The following TMEM186 variants were observed in gnomAD, a reference collection of about 807,000 sequenced individuals.
TMEM186 encodes the protein transmembrane protein 186.
TMEM186 carries 2 observed loss-of-function variants against 2.5 expected under a neutral mutation model. That is an observed-to-expected ratio of 0.79 (90% CI 0.32 to 2.50). The LOEUF is 2.50. TMEM186 is among the 30% of genes most tolerant of loss of function. TMEM186 has a pLI of 0.11. For missense variants in TMEM186, 321 were observed against 276.5 expected (o/e 1.16, Z -1.14); for synonymous variants, 120 against 104.9 (o/e 1.14, Z -0.88).
rs560171669 is a variant in TMEM186 at position 8,797,519 on chromosome 16, G to A, written c.3+93C>T. On this transcript the variant is annotated intron_variant, in intron 1 of 1. Transcript: ENST00000333050. ...GAGCTTCCTCCCACGGATCCTCGGAGTCCGAAACCCGAGCGTCGGGCCTGC... is the reference window on the plus strand; with the variant it reads ...GAGCTTCCTCCCACGGATCCTCGGAATCCGAAACCCGAGCGTCGGGCCTGC... 1.4e-4 allele frequency: 200 copies of A among 1,474,878 alleles called. No homozygotes were observed. The Admixed American group carries it at 1.5e-3, about 11-fold the overall frequency. The allele number at this position is 1,474,878 out of a possible 1,614,324, so 91.4% of individuals were successfully genotyped here.
At chr16:8,796,735 GA>G (rs1273564472) in intron 1 of TMEM186, 145 bp from the exon 2 acceptor site, 1 of 968,250 alleles carries the variant, frequency 1.0e-6, no homozygotes, top group Non-Finnish European at 1.5e-6. Flanking sequence ...GGTAAAGCCA[GA>G]TGCTATCTCA....
rs760440586 is a variant in TMEM186, at chr16:8,796,541, T to G, written c.53A>C (p.Glu18Ala). 1 of 1,614,160 alleles carries G rather than the reference T, an allele frequency of 6.2e-7. No individual in the cohort carries two copies. The highest frequency in any genetic ancestry group is 8.5e-7 in the Non-Finnish European group (1 of 1,180,044). Reference sequence around the variant, plus strand: ...GCACCACAGCCCATGGAGAGGCCTTTCCCACACAGCTTTTCCCCGAAACCT... The same window carrying G: ...GCACCACAGCCCATGGAGAGGCCTTGCCCACACAGCTTTTCCCCGAAACCT... The part of the protein sequence containing the change: ...VRRFRGKAVW[E>A]RPLHGLWCCS... Residue 18 changes from glutamate (E) to alanine (A), a missense_variant, in exon 2 of 2, where the codon GAA becomes GCA. Physicochemically the swap from Glu to Ala is moderately radical, Grantham distance 107. Coordinates refer to ENST00000333050, the MANE Select transcript of TMEM186 (RefSeq NM_015421.4).
At position 8,796,034 on chromosome 16, in the gene TMEM186, A is replaced by G. The variant is rs1157682203; in HGVS notation, c.560T>C (p.Phe187Ser). 1.2e-6 allele frequency: 2 copies of G among 1,614,198 alleles called. No individual in the cohort carries two copies. The highest frequency in any genetic ancestry group is 3.3e-5 in the Admixed American group (2 of 60,022). Residue 187 changes from phenylalanine to serine, a missense_variant, in exon 2 of 2, where the codon TTC becomes TCC. Transcript: ENST00000333050. ...RIQRYSGKQT[F>S]YVTLRYGRIL... ...GCGTCCATAGCGCAGGGTGACGTAG[A>G]AGGTCTGTTTCCCACTGTACCGCTG...
At chr16:8,797,345 C>G (rs7197153) in intron 1 of TMEM186, among the ~76,000 whole-genome samples, 126,112 of 152,136 alleles carry the variant, frequency 0.83, 52,852 homozygotes, top group East Asian at 0.98. Context: ...GGACTCAGAA[C>G]ACAGTGAACC....
Position 8,796,175 on chromosome 16 carries a change from A to G in TMEM186, c.419T>C (p.Leu140Pro). ...CCAGAAGTTCAGATGGGCCACCCGC[A>G]GCATGGTGCCAGACTCATTCAGATA... is the stretch of plus-strand genomic sequence containing the variant. ...ILYLNESGTM[L>P]RVAHLNFWGW... The change falls in exon 2 of 2, where the codon CTG becomes CCG. Residue 140 changes from leucine to proline, a missense_variant. Physicochemically the swap from Leu to Pro is moderately conservative, Grantham distance 98 (BLOSUM62 -3). Coordinates refer to ENST00000333050, the MANE Select transcript of TMEM186 (RefSeq NM_015421.4). 6.2e-7 allele frequency: 1 copy of G among 1,614,226 alleles called. No individual in the cohort carries two copies. Among genetic ancestry groups the G allele is most frequent in the Non-Finnish European group, 8.5e-7 (1 of 1,180,038 alleles).
Position 8,795,768 on chromosome 16 carries a change from CT to C in TMEM186, c.*183del. 2.8e-6 allele frequency: 2 copies of C among 714,764 alleles called. No individual in the cohort carries two copies. The highest frequency in any genetic ancestry group is 2.1e-5 in the South Asian group (1 of 46,936). 44.3% of individuals were successfully genotyped at this position (714,764 alleles called of 1,614,324 possible). On this transcript the variant is annotated 3_prime_UTR_variant, in exon 2 of 2. Transcript: ENST00000333050. The stretch of plus-strand genomic sequence containing the variant: ...AGTGCTGTAAGAACTTGCTTAGAGC[CT>C]TTTTCCTAAACCTGTACACCAGCTC...
In TMEM186 at chr16:8,797,592, C is replaced by A. The variant is rs145394389; in HGVS notation, c.3+20G>T. 7.4e-3 allele frequency: 11,878 copies of A among 1,602,106 alleles called. 62 individuals carry two copies. The highest frequency in any genetic ancestry group is 9.1e-3 in the Non-Finnish European group (10,636 of 1,174,948). On this transcript the variant is annotated intron_variant, in intron 1 of 1. Coordinates refer to ENST00000333050, the MANE Select transcript of TMEM186 (RefSeq NM_015421.4). Reference sequence around the variant, plus strand: ...CCCAAAGAGCATCACCCCCTCAAGGCTCGCCACCCGCCTCCTTACCATGGC... The same window carrying A: ...CCCAAAGAGCATCACCCCCTCAAGGATCGCCACCCGCCTCCTTACCATGGC...
rs2060570596 is a variant in TMEM186, at chr16:8,795,625, C to T, written c.*327G>A. On this transcript the variant is annotated 3_prime_UTR_variant, in exon 2 of 2. Coordinates refer to ENST00000333050, the MANE Select transcript of TMEM186 (RefSeq NM_015421.4). ...CCAAATCTTACGCTCCCCCGCCACACCTCTTTGCCTTTCTCTTTCACACCA... is the reference window on the plus strand; with the variant it reads ...CCAAATCTTACGCTCCCCCGCCACATCTCTTTGCCTTTCTCTTTCACACCA... 8.3e-6 allele frequency: 2 copies of T among 240,400 alleles called. No homozygotes were observed. 14.9% of individuals were successfully genotyped at this position (240,400 alleles called of 1,614,324 possible).
chr16:8,797,628 G>A lies in TMEM186; in HGVS notation c.-14C>T, dbSNP rs200174115. On this transcript the variant is annotated 5_prime_UTR_variant, in exon 1 of 2. Transcript: ENST00000333050. ...CCTCCTTACCATGGCCCCACCACCT[G>A]CTGCCGGAAGTAAATCCCACCGGCC... 1.2e-6 allele frequency: 2 copies of A among 1,602,478 alleles called. No individual in the cohort carries two copies. The highest frequency in any genetic ancestry group is 1.3e-5 in the African/African-American group (1 of 74,542).
Position 8,795,768 on chromosome 16 carries a change from C to T in TMEM186, c.*184G>A. On this transcript the variant is annotated 3_prime_UTR_variant, in exon 2 of 2. Coordinates refer to ENST00000333050, the MANE Select transcript of TMEM186 (RefSeq NM_015421.4). ...AGTGCTGTAAGAACTTGCTTAGAGC[C>T]TTTTTCCTAAACCTGTACACCAGCT... The T allele has an allele frequency of 1.4e-6, 1 of 714,786 alleles. No individual in the cohort carries two copies. 44.3% of individuals were successfully genotyped at this position (714,786 alleles called of 1,614,324 possible). A position where few individuals can be genotyped will look rare whatever the true frequency, so the allele number is the denominator to read the frequency against.
chr16:8,796,011 G>T lies in TMEM186; in HGVS notation c.583C>A (p.Arg195Ser). 1 of 1,614,166 alleles carries T rather than the reference G, an allele frequency of 6.2e-7. No individual in the cohort carries two copies. The highest frequency in any genetic ancestry group is 8.5e-7 in the Non-Finnish European group (1 of 1,180,040). ...QTFYVTLRYG[R>S]ILDRERFTQV... ...GTGAAACGCTCTCTGTCCAGGATGC[G>T]TCCATAGCGCAGGGTGACGTAGAAG... Residue 195 changes from arginine (R) to serine (S), a missense_variant, in exon 2 of 2, where the codon CGC becomes AGC. Coordinates refer to ENST00000333050, the MANE Select transcript of TMEM186 (RefSeq NM_015421.4).
At position 8,797,599 on chromosome 16, in the gene TMEM186, C is replaced by T; in HGVS notation, c.3+13G>A. 6.2e-7 allele frequency: 1 copy of T among 1,604,082 alleles called. No individual in the cohort carries two copies. The highest frequency in any genetic ancestry group is 8.5e-7 in the Non-Finnish European group (1 of 1,175,846). On this transcript the variant is annotated intron_variant, in intron 1 of 1. Coordinates refer to ENST00000333050, the MANE Select transcript of TMEM186 (RefSeq NM_015421.4). ...AGCATCACCCCCTCAAGGCTCGCCA[C>T]CCGCCTCCTTACCATGGCCCCACCA... is the stretch of plus-strand genomic sequence containing the variant.
chr16:8,795,829 T>C lies in TMEM186; in HGVS notation c.*123A>G, dbSNP rs14198. The C allele has an allele frequency of 1.1e-3, 1,297 of 1,182,072 alleles. 21 individuals carry two copies. The African/African-American group carries it at 0.018, about 16-fold the overall frequency. The allele number at this position is 1,182,072 out of a possible 1,614,324, so 73.2% of individuals were successfully genotyped here. A position where few individuals can be genotyped will look rare whatever the true frequency, so the allele number is the denominator to read the frequency against. ...GAATTTATTCACCACAAAACACATG[T>C]TCCCAGGGGCCCAGGCAAAGTCTCC... On this transcript the variant is annotated 3_prime_UTR_variant, in exon 2 of 2. Coordinates refer to ENST00000333050, the MANE Select transcript of TMEM186 (RefSeq NM_015421.4).
chr16:8,796,221 G>C lies in TMEM186; in HGVS notation c.373C>G (p.Arg125Gly), dbSNP rs750159536. The change falls in exon 2 of 2, where the codon CGG becomes GGG. Residue 125 changes from arginine to glycine, a missense_variant. Coordinates refer to ENST00000333050, the MANE Select transcript of TMEM186 (RefSeq NM_015421.4). ...TMLCWMSYFLRRLVGILYLNE... is the reference protein window; with the variant it reads ...TMLCWMSYFLGRLVGILYLNE... ...AGATACAGGATACCAACCAGTCTCC[G>C]TAAGAAATAGCTCATCCAGCACAGC... The C allele has an allele frequency of 3.7e-6, 6 of 1,614,038 alleles. No individual in the cohort carries two copies. The highest frequency in any genetic ancestry group is 1.6e-4 in the Middle Eastern group (1 of 6,084).
rs757995987 is a variant in TMEM186 at position 8,796,488 on chromosome 16, A to C, written c.106T>G (p.Trp36Gly). 7.4e-6 allele frequency: 12 copies of C among 1,614,016 alleles called. No individual in the cohort carries two copies. Among genetic ancestry groups the C allele is most frequent in the Non-Finnish European group, 2.5e-6 (3 of 1,179,984 alleles). ...GAGATGGGTGAACTGCTGCCCACCCACCTCTTAGGATCCTCCTGCCCACTG... is the reference window on the plus strand; with the variant it reads ...GAGATGGGTGAACTGCTGCCCACCCCCCTCTTAGGATCCTCCTGCCCACTG... ...CCSGQEDPKR[W>G]VGSSSPISKE... The change falls in exon 2 of 2, where the codon TGG (tryptophan) becomes GGG (glycine). Residue 36 changes from tryptophan to glycine, a missense_variant. Coordinates refer to ENST00000333050, the MANE Select transcript of TMEM186 (RefSeq NM_015421.4).
rs910607591 is a variant in TMEM186, at chr16:8,795,545, C to A, written c.*407G>T. The stretch of plus-strand genomic sequence containing the variant: ...TTTTACAGATGTGAAAACCAAGATT[C>A]AAAGAGACTCAATAACCTGCTCCAG... On this transcript the variant is annotated 3_prime_UTR_variant, in exon 2 of 2. Coordinates refer to ENST00000333050, the MANE Select transcript of TMEM186 (RefSeq NM_015421.4). The A allele has an allele frequency of 2.3e-5, 4 of 171,902 alleles. No individual in the cohort carries two copies. Among genetic ancestry groups the A allele is most frequent in the Non-Finnish European group, 5.0e-5 (4 of 79,492 alleles). 10.6% of individuals were successfully genotyped at this position (171,902 alleles called of 1,614,324 possible).
chr16:8,796,704 G>A (rs541162384), intron 1 of TMEM186, 114 bp from the exon 2 acceptor site: 6 of 1,309,738 alleles, frequency 4.6e-6, no homozygotes, highest in Non-Finnish European at 5.2e-6. Context: ...CAAGGTAACC[G>A]TTATTGCCAG....
In TMEM186 at chr16:8,796,041, G is replaced by A; in HGVS notation, c.553C>T (p.Gln185Ter). ...FVRIQRYSGK[Q>*]TFYVTLRYGR... is the part of the protein sequence containing the mutation. ...TAGCGCAGGGTGACGTAGAAGGTCT[G>A]TTTCCCACTGTACCGCTGGATACGC... The change falls in exon 2 of 2, where the codon CAG becomes TAG. Residue 185 changes from glutamine to a stop codon, truncating the protein, a stop_gained. Transcript: ENST00000333050. LOFTEE classifies it low-confidence loss of function (END_TRUNC). 6.2e-7 allele frequency: 1 copy of A among 1,614,220 alleles called. No homozygotes were observed. Among genetic ancestry groups the A allele is most frequent in the Non-Finnish European group, 8.5e-7 (1 of 1,180,032 alleles).
At chr16:8,796,669 T>C in intron 1 of TMEM186, 79 bp from the exon 2 acceptor site, 1 of 1,513,540 alleles carries the variant, frequency 6.6e-7, no homozygotes, top group South Asian at 1.2e-5. Flanking sequence ...CAAAGCACCA[T>C]ACTCTAAGGC....
Sources: gnomAD v4.1 joint callset for allele counts (sites outside exome capture counted in the v4.1 genomes callset) on GRCh38, gnomAD v4.1.1 for gene constraint, MANE v1.5 for transcripts, NCBI Gene and HGNC (gene_info 2026-07-23, HGNC 2026-07-21) for gene names.